The following TBC1D1 variants were observed in gnomAD, a reference collection of about 807,000 sequenced individuals.
The protein encoded by TBC1D1 is TBC1 (tre-2/USP6, BUB2, cdc16) domain family, member 1.
A neutral mutation model predicts 125.6 loss-of-function variants in TBC1D1; 89 were observed. The ratio of observed to expected loss-of-function variants is 0.71; its 90% confidence interval spans 0.60 to 0.85. The LOEUF is 0.85. Among genes scored for constraint, TBC1D1 ranks in the 40% least tolerant of loss-of-function variants. TBC1D1 has a pLI of 0.00. For missense variants in TBC1D1, 1,377 were observed against 1,469.2 expected (o/e 0.94, Z 1.03); for synonymous variants, 565 against 564.1 (o/e 1.00, Z -0.02).
chr4:38,088,920 A>G (rs192282009), intron 12 of TBC1D1, among the ~76,000 whole-genome samples: 1 of 152,176 alleles, frequency 6.6e-6, no homozygotes, highest in Admixed American at 6.5e-5. Flanking sequence ...TCAAATTGAG[A>G]TGATACTTTA....
At chr4:38,109,759 G>C (rs779786864) in intron 15 of TBC1D1, among the ~76,000 whole-genome samples, 1 of 152,204 alleles carries the variant, frequency 6.6e-6, no homozygotes, top group Non-Finnish European at 1.5e-5. Context: ...ACACGTTCTA[G>C]TGGGAAGACT....
chr4:38,016,633 G>A (rs1193698626), intron 3 of TBC1D1, among the ~76,000 whole-genome samples: 1 of 152,228 alleles, frequency 6.6e-6, no homozygotes, highest in Non-Finnish European at 1.5e-5. Context: ...AAGAGGGCAT[G>A]GATTTTCATT....
chr4:38,049,177 G>A (rs1399943611), intron 10 of TBC1D1, among the ~76,000 whole-genome samples: 1 of 152,184 alleles, frequency 6.6e-6, no homozygotes, highest in Non-Finnish European at 1.5e-5. Flanking sequence ...CTCAACAGTA[G>A]ATCAGATTCG....
At chr4:38,070,803 G>A (rs1754579165) in intron 12 of TBC1D1, among the ~76,000 whole-genome samples, 1 of 152,090 alleles carries the variant, frequency 6.6e-6, no homozygotes, top group Non-Finnish European at 1.5e-5. Context: ...TGACTTTTTT[G>A]GTAGAAAAAA....
chr4:37,937,389 TAAATGCTTACGATAA>T (rs1266001075), intron 2 of TBC1D1, among the ~76,000 whole-genome samples: 34 of 152,184 alleles, frequency 2.2e-4, no homozygotes, highest in Admixed American at 2.2e-3. Flanking sequence ...CTAAGCATAA[TAAATGCTTACGATAA>T]AAATTCAATC....
At chr4:37,960,633 G>A in intron 2 of TBC1D1, 1 of 1,614,168 alleles carries the variant, frequency 6.2e-7, no homozygotes, top group East Asian at 2.2e-5. Flanking sequence ...TTTGGGCACT[G>A]TCAACAGAGC....
At chr4:37,965,023 A>G (rs769650498) in intron 2 of TBC1D1, among the ~76,000 whole-genome samples, 1 of 152,230 alleles carries the variant, frequency 6.6e-6, no homozygotes, top group Non-Finnish European at 1.5e-5. Context: ...AGGGATGCTG[A>G]CAGGTGGTCT....
chr4:38,069,402 C>T (rs927634137), intron 12 of TBC1D1, among the ~76,000 whole-genome samples: 1 of 152,148 alleles, frequency 6.6e-6, no homozygotes, highest in Non-Finnish European at 1.5e-5. Flanking sequence ...TGCATGTGAG[C>T]CTGTCTCAGC....
intron 2 of TBC1D1, among the ~76,000 whole-genome samples, chr4:37,905,826 CTA>C (rs1291723917): frequency 2.4e-4 from 36 of 152,324 alleles, no homozygotes; most frequent in African/African-American, 1.4e-4. Flanking sequence ...GCTGGTAAAA[CTA>C]TGTTTCATCA....
chr4:38,135,920 GTATA>G (rs1298787207), intron 19 of TBC1D1, among the ~76,000 whole-genome samples: 37 of 95,590 alleles, frequency 3.9e-4, no homozygotes, highest in Non-Finnish European at 6.1e-4. Flanking sequence ...ACGTGTGTGT[GTATA>G]TGTGTGTGTG....
chr4:37,897,847 C>T (rs1474778473), intron 1 of TBC1D1, among the ~76,000 whole-genome samples: 1 of 152,100 alleles, frequency 6.6e-6, no homozygotes, highest in Admixed American at 6.6e-5. Flanking sequence ...TCATTTTCAC[C>T]TGTGAGAGAG....
chr4:38,028,827 A>G (rs896471277), intron 7 of TBC1D1, among the ~76,000 whole-genome samples: 14 of 152,178 alleles, frequency 9.2e-5, no homozygotes, highest in African/African-American at 3.4e-4. Flanking sequence ...GAATGAGACA[A>G]TGTTTGGTAC....
Position 38,014,714 on chromosome 4 carries a change from G to A in TBC1D1, c.623G>A (p.Gly208Glu), listed in dbSNP as rs1042920574. 3.1e-6 allele frequency: 5 copies of A among 1,612,412 alleles called. No homozygotes were observed. The African/African-American group carries it at 4.0e-5, about 13-fold the overall frequency. ...TTCAATCACGTCAGCGGCAGCCGGG[G>A]GTCCGAGAGCCCCCGCCCCAACCCG... The change falls in exon 3 of 20, where the codon GGG becomes GAG. Residue 208 changes from glycine to glutamate, a missense_variant. Transcript: ENST00000261439. This position sits in a 1 kb window ranked among gnomAD's most constrained non-coding sequence, Gnocchi z 5.1.
Position 37,899,145 on chromosome 4 carries a change from G to A in TBC1D1, c.-93-2858G>A, listed in dbSNP as rs188351405. ...GGATGGGGCACCTTTTCTCTAGGAC[G>A]AAAAAGAAAGAGTAGTTGGTGAAGT... On this transcript the variant is annotated intron_variant, in intron 1 of 19. Coordinates refer to ENST00000261439, the MANE Select transcript of TBC1D1 (RefSeq NM_015173.4). 7.9e-4 allele frequency among the ~76,000 whole-genome samples: 120 copies of A among 151,766 alleles called. 1 individual carries two copies. Among genetic ancestry groups the A allele is most frequent in the Middle Eastern group, 3.4e-3 (1 of 294 alleles).
chr4:38,126,565 T>C (rs1351795724), intron 18 of TBC1D1, among the ~76,000 whole-genome samples: 1 of 152,254 alleles, frequency 6.6e-6, no homozygotes, highest in African/African-American at 2.4e-5. Flanking sequence ...GCACATTGCA[T>C]ATGCCCTTAT....
At chr4:38,065,961 C>A (rs1000126685) in intron 12 of TBC1D1, among the ~76,000 whole-genome samples, 12 of 152,196 alleles carry the variant, frequency 7.9e-5, no homozygotes, top group African/African-American at 2.2e-4. Flanking sequence ...TACTGCCCAT[C>A]TTTTAAGAGA....
chr4:38,065,358 A>G (rs142387544), intron 12 of TBC1D1, among the ~76,000 whole-genome samples: 1 of 152,156 alleles, frequency 6.6e-6, no homozygotes, highest in Non-Finnish European at 1.5e-5. Context: ...CTGATGCTGG[A>G]GATGAATTAT....
rs1314187577 is a variant in TBC1D1 at position 38,138,295 on chromosome 4, T to C, written c.*960T>C. The stretch of plus-strand genomic sequence containing the variant: ...TTGTGGGGTCTGAGATATTTCTTTG[T>C]GGTAGTTTCATACCCATACTATAGA... On this transcript the variant is annotated 3_prime_UTR_variant, in exon 20 of 20. Coordinates refer to ENST00000261439, the MANE Select transcript of TBC1D1 (RefSeq NM_015173.4). The C allele has an allele frequency of 6.6e-6, 1 of 152,240 alleles. No individual in the cohort carries two copies. 9.4% of individuals were successfully genotyped at this position (152,240 alleles called of 1,614,324 possible).
intron 12 of TBC1D1, among the ~76,000 whole-genome samples, chr4:38,087,784 T>C (rs1757742473): frequency 7.1e-6 from 1 of 140,268 alleles, no homozygotes; most frequent in Non-Finnish European, 1.5e-5. Context: ...AGGTAGAGGT[T>C]GCAGTGAGCC....
Sources: gnomAD v4.1 joint callset for allele counts (sites outside exome capture counted in the v4.1 genomes callset) on GRCh38, gnomAD v4.1.1 for gene constraint, Gnocchi (gnomAD v3.1) non-coding constraint, MANE v1.5 for transcripts, NCBI Gene and HGNC (gene_info 2026-07-23, HGNC 2026-07-21) for gene names.